Variants in LRRTM4 observed in about 807,000 individuals in gnomAD.
LRRTM4 encodes leucine rich repeat transmembrane neuronal 4, also known as leucine-rich repeat transmembrane neuronal protein 4.
Under a neutral mutation model 47.6 loss-of-function variants are expected in LRRTM4, and 25 were observed. The observed-to-expected ratio is 0.53, with a 90% CI of 0.38 to 0.73. The LOEUF (loss-of-function observed/expected upper bound fraction) is 0.73, where lower values mean the gene tolerates loss of function less well. LRRTM4 is among the 30% of genes least tolerant of loss of function. The pLI, the probability that LRRTM4 is intolerant of heterozygous loss-of-function variation, is 0.00. For synonymous variants in LRRTM4, 311 were observed against 269.5 expected, an observed-to-expected ratio of 1.15 and a Z score of -1.51; for missense variants, 638 against 713.4, an observed-to-expected ratio of 0.89 and a Z score of 1.20.
chr2:77,406,526 G>A (rs779511737), intron 3 of LRRTM4, among the ~76,000 whole-genome samples: 17 of 151,998 alleles, frequency 1.1e-4, no homozygotes, highest in East Asian at 3.9e-4. Context: ...GGTCTTGAAC[G>A]CCTGGGTTCA....
At chr2:76,841,810 A>G (rs1360875296) in intron 3 of LRRTM4, among the ~76,000 whole-genome samples, 2 of 152,200 alleles carry the variant, frequency 1.3e-5, no homozygotes, top group Admixed American at 6.5e-5. Context: ...ATATTCAACT[A>G]TACTAGAAAC....
intron 3 of LRRTM4, among the ~76,000 whole-genome samples, chr2:77,217,466 T>TATATATATAC (rs1674488040): frequency 7.1e-6 from 1 of 139,956 alleles, no homozygotes; most frequent in Non-Finnish European, 1.5e-5. Context: ...TATATATATA[T>TATATATATAC]ATACTAAGCC....
rs940141559 is a variant in LRRTM4 at position 77,517,417 on chromosome 2, T to C, written c.1551+901A>G. ...TTTAACAAGAATACATATCATTTCT[T>C]TTGGGGATGACAGCAATACTGACAA... On this transcript the variant is annotated intron_variant, in intron 3 of 3. Transcript: ENST00000409884. The C allele has an allele frequency of 3.0e-6, 3 of 984,936 alleles. No homozygotes were observed. In the South Asian group the frequency reaches 1.4e-4, roughly 46 times the overall value. The allele number at this position is 984,936 out of a possible 1,614,324, so 61.0% of individuals were successfully genotyped here.
intron 3 of LRRTM4, among the ~76,000 whole-genome samples, chr2:76,907,904 T>A (rs1434894646): frequency 2.0e-5 from 3 of 146,870 alleles, no homozygotes; most frequent in Non-Finnish European, 3.0e-5. Context: ...AGCTGAATTC[T>A]ACCAGAGGTA....
chr2:77,263,015 AG>A (rs1333289682), intron 3 of LRRTM4, among the ~76,000 whole-genome samples: 1 of 152,100 alleles, frequency 6.6e-6, no homozygotes, highest in Non-Finnish European at 1.5e-5. Context: ...AGTGATTAGA[AG>A]GTTACAATTT....
chr2:77,480,184 T>C (rs1677616048), intron 3 of LRRTM4, among the ~76,000 whole-genome samples: 1 of 151,568 alleles, frequency 6.6e-6, no homozygotes, highest in African/African-American at 2.4e-5. Context: ...CCTCAGCAAA[T>C]CCTGACTAAT....
At chr2:77,474,840 ATGATGAAATG>A (rs1677324551) in intron 3 of LRRTM4, among the ~76,000 whole-genome samples, 1 of 152,114 alleles carries the variant, frequency 6.6e-6, no homozygotes, top group Non-Finnish European at 1.5e-5. Context: ...AAGGGTAAAT[ATGATGAAATG>A]TTCAAATGAC....
chr2:76,951,669 G>T (rs573778098), intron 3 of LRRTM4, among the ~76,000 whole-genome samples: 20 of 151,956 alleles, frequency 1.3e-4, no homozygotes, highest in Non-Finnish European at 2.5e-4. Flanking sequence ...GAACATGCAG[G>T]TTTGTTACAT....
At chr2:77,104,576 GA>G (rs1305565082) in intron 3 of LRRTM4, among the ~76,000 whole-genome samples, 1 of 152,096 alleles carries the variant, frequency 6.6e-6, no homozygotes, top group African/African-American at 2.4e-5. Flanking sequence ...AATATGATCA[GA>G]TGGTGAAAAA....
chr2:77,236,738 C>T (rs1383212539), intron 3 of LRRTM4, among the ~76,000 whole-genome samples: 1 of 151,900 alleles, frequency 6.6e-6, no homozygotes, highest in East Asian at 1.9e-4. Context: ...TGAAGTGATA[C>T]TGGATTTTAT....
intron 3 of LRRTM4, among the ~76,000 whole-genome samples, chr2:76,991,533 C>T (rs770800141): frequency 5.9e-5 from 9 of 151,622 alleles, no homozygotes; most frequent in Non-Finnish European, 7.4e-5. Context: ...CAAATTCTAG[C>T]GGAAATTTAT....
intron 3 of LRRTM4, among the ~76,000 whole-genome samples, chr2:76,997,358 A>T (rs1677239151): frequency 6.7e-6 from 1 of 149,700 alleles, no homozygotes; most frequent in South Asian, 2.1e-4. Context: ...TCTCACTGTA[A>T]GTTTGATGAT....
intron 3 of LRRTM4, among the ~76,000 whole-genome samples, chr2:77,228,827 C>T (rs1674886566): frequency 6.6e-6 from 1 of 152,162 alleles, no homozygotes; most frequent in South Asian, 2.1e-4. Context: ...AATATTCACC[C>T]CTACTAGACA....
At chr2:76,843,518 C>T (rs1671748144) in intron 3 of LRRTM4, among the ~76,000 whole-genome samples, 1 of 152,242 alleles carries the variant, frequency 6.6e-6, no homozygotes, top group African/African-American at 2.4e-5. Flanking sequence ...AGTTCTCATT[C>T]ATGAACAATT....
intron 3 of LRRTM4, among the ~76,000 whole-genome samples, chr2:76,849,756 T>C (rs1234213804): frequency 6.6e-6 from 1 of 152,190 alleles, no homozygotes; most frequent in African/African-American, 2.4e-5. Context: ...TATTTGAATC[T>C]GTATTTTATA....
At chr2:76,753,024 A>T (rs1366849238) in intron 3 of LRRTM4, among the ~76,000 whole-genome samples, 1 of 152,184 alleles carries the variant, frequency 6.6e-6, no homozygotes, top group Non-Finnish European at 1.5e-5. Context: ...AAAATCACAT[A>T]GAGAAATATA....
intron 3 of LRRTM4, among the ~76,000 whole-genome samples, chr2:76,798,042 G>A (rs369178124): frequency 0.014 from 1,996 of 146,542 alleles, 51 homozygotes; most frequent in African/African-American, 0.043. Context: ...ACAGATCAAT[G>A]AGACAGAAAG....
intron 3 of LRRTM4, among the ~76,000 whole-genome samples, chr2:77,427,194 G>A (rs1359014657): frequency 6.6e-6 from 1 of 152,086 alleles, no homozygotes; most frequent in African/African-American, 2.4e-5. Flanking sequence ...GATCAGGATG[G>A]TCTTGATCTC....
Position 77,060,860 on chromosome 2 carries a change from A to T in LRRTM4, c.1552-311944T>A, listed in dbSNP as rs545921844. 2.0e-5 allele frequency among the ~76,000 whole-genome samples: 3 copies of T among 152,230 alleles called. No individual in the cohort carries two copies. The East Asian group carries it at 5.8e-4, about 29-fold the overall frequency. On this transcript the variant is annotated intron_variant, in intron 3 of 3. Transcript: ENST00000409884. ...AAATTCATGGAAACATGTGAGCACA[A>T]TTCCTGTCACATAAATGTTTATGAC...
Sources: allele counts gnomAD v4.1 joint callset (sites outside exome capture counted in the v4.1 genomes callset), GRCh38; gene constraint gnomAD v4.1.1; transcripts MANE v1.5; gene names NCBI Gene and HGNC (gene_info 2026-07-23, HGNC 2026-07-21).